PCDH11Y: variants seen among roughly 807,000 people sequenced by gnomAD.
PCDH11Y encodes the protein protocadherin-11 Y-linked.
For synonymous variants in PCDH11Y, 9 were observed against 83.6 expected (o/e 0.11, Z 4.87); for missense variants, 12 against 224.8 (o/e 0.05, Z 6.05).
At chrY:5,684,579 G>C in intron 4 of PCDH11Y, among the ~76,000 whole-genome samples, 1 of 32,737 alleles carries the variant, frequency 3.1e-5, no homozygotes, top group African/African-American at 1.2e-4. Flanking sequence ...ACAACCCAAG[G>C]GTCTTTCAAC....
chrY:5,647,458 C>T, intron 4 of PCDH11Y, among the ~76,000 whole-genome samples: 6 of 33,866 alleles, frequency 1.8e-4, no homozygotes, highest in African/African-American at 6.9e-4. Flanking sequence ...GACATACGCA[C>T]ATGTGCATAT....
exon 5 of PCDH11Y, chrY:5,737,740 G>T (rs778627882): frequency 2.5e-6 from 1 of 397,489 alleles, no homozygotes; most frequent in African/African-American, 6.3e-5. Flanking sequence ...TTGCAGCAAG[G>T]TTGGGTGCAA....
At chrY:5,371,690 G>A in intron 2 of PCDH11Y, among the ~76,000 whole-genome samples, 1 of 32,698 alleles carries the variant, frequency 3.1e-5, no homozygotes, top group Non-Finnish European at 7.5e-5. Context: ...CTGAGGTCAG[G>A]AGTTCGAGAC....
At chrY:5,639,349 T>C in intron 4 of PCDH11Y, among the ~76,000 whole-genome samples, 1 of 32,620 alleles carries the variant, frequency 3.1e-5, no homozygotes, top group Non-Finnish European at 7.5e-5. Context: ...AGAATAAGCA[T>C]ACCTCGACGA....
chrY:5,019,858 T>C (rs2124619596), intron 1 of PCDH11Y, among the ~76,000 whole-genome samples: 1 of 31,910 alleles, frequency 3.1e-5, no homozygotes, highest in South Asian at 6.8e-4. Flanking sequence ...AGTGAGGTTG[T>C]AAGAACTCAT....
intron 2 of PCDH11Y, among the ~76,000 whole-genome samples, chrY:5,415,724 G>A: frequency 6.7e-5 from 2 of 29,719 alleles, no homozygotes; most frequent in Non-Finnish European, 1.6e-4. Context: ...GGCTGCAGAT[G>A]TTCCCACACC....
chrY:5,337,835 G>A, intron 2 of PCDH11Y: 6 of 393,380 alleles, frequency 1.5e-5, no homozygotes, highest in Non-Finnish European at 1.8e-5. Flanking sequence ...GTCTTCTTCT[G>A]TCACCATGTT....
At chrY:5,683,422 A>G in intron 4 of PCDH11Y, among the ~76,000 whole-genome samples, 1 of 32,927 alleles carries the variant, frequency 3.0e-5, no homozygotes, top group Admixed American at 2.8e-4. Context: ...TGCAATCCCT[A>G]TTCAACTATC....
At chrY:5,462,889 G>A in intron 2 of PCDH11Y, among the ~76,000 whole-genome samples, 1 of 32,786 alleles carries the variant, frequency 3.1e-5, no homozygotes, top group Non-Finnish European at 7.5e-5. Flanking sequence ...ACTCACCTCC[G>A]CCTCCCAAAG....
rs201537286 is a variant in PCDH11Y, at chrY:5,206,988, G to T, written c.3129+106281G>T. ...AAAAGACACCTGGCATCTCAAAGTG[G>T]CTGCCAAGTTCCCCCAAGTCTACCA... On this transcript the variant is annotated intron_variant, in intron 2 of 4. Coordinates refer to the PCDH11Y transcript ENST00000400457. Among the ~76,000 whole-genome samples, 52 of 31,601 alleles carry T rather than the reference G, an allele frequency of 1.6e-3. No individual in the cohort carries two copies. The East Asian group carries it at 0.044, about 27-fold the overall frequency. The allele number at this position is 31,601 out of a possible 37,273, so 84.8% of individuals were successfully genotyped here.
chrY:5,688,152 C>A, intron 4 of PCDH11Y, among the ~76,000 whole-genome samples: 1 of 33,624 alleles, frequency 3.0e-5, no homozygotes, highest in Admixed American at 2.8e-4. Context: ...ATTTCTCTCT[C>A]ATGTTCAAAG....
At chrY:5,512,374 A>G (rs2053366520) in intron 3 of PCDH11Y, among the ~76,000 whole-genome samples, 1 of 30,023 alleles carries the variant, frequency 3.3e-5, no homozygotes, top group Non-Finnish European at 7.9e-5. Context: ...GCTGCTCGGG[A>G]GGCTGAGGCA....
intron 1 of PCDH11Y, among the ~76,000 whole-genome samples, chrY:5,061,124 G>A: frequency 3.0e-5 from 1 of 32,974 alleles, no homozygotes; most frequent in Admixed American, 2.8e-4. Flanking sequence ...ACTTATTTAT[G>A]TGACTTTGAT....
intron 2 of PCDH11Y, among the ~76,000 whole-genome samples, chrY:5,394,160 G>C (rs35297104): frequency 3.0e-5 from 1 of 33,040 alleles, no homozygotes; most frequent in Non-Finnish European, 7.5e-5. Flanking sequence ...GATGGCATAC[G>C]AGTTTTACTA....
intron 2 of PCDH11Y, among the ~76,000 whole-genome samples, chrY:5,376,294 G>C: frequency 3.1e-5 from 1 of 31,793 alleles, no homozygotes; most frequent in Admixed American, 2.9e-4. Context: ...CTTCCGAGTA[G>C]CTGGGACTAC....
chrY:5,157,810 AC>A (rs2052870962), intron 2 of PCDH11Y, among the ~76,000 whole-genome samples: 1 of 32,860 alleles, frequency 3.0e-5, no homozygotes, highest in Non-Finnish European at 7.5e-5. Context: ...TTGGAATAGC[AC>A]CCATAATTAA....
At chrY:5,712,540 G>A in intron 4 of PCDH11Y, among the ~76,000 whole-genome samples, 1 of 33,947 alleles carries the variant, frequency 2.9e-5, no homozygotes, top group Non-Finnish European at 7.3e-5. Context: ...TGAAAGGAAA[G>A]TAGAATTTGT....
At chrY:5,382,873 T>G in intron 2 of PCDH11Y, among the ~76,000 whole-genome samples, 1 of 33,673 alleles carries the variant, frequency 3.0e-5, no homozygotes, top group East Asian at 7.8e-4. Flanking sequence ...CTCTGGACTA[T>G]AAAATATATG....
intron 2 of PCDH11Y, among the ~76,000 whole-genome samples, chrY:5,332,758 A>G (rs2053132389): frequency 3.0e-5 from 1 of 33,833 alleles, no homozygotes; most frequent in African/African-American, 1.2e-4. Flanking sequence ...AGTTGCTTCA[A>G]TAGCAATAGA....
Sources: gnomAD v4.1 joint callset for allele counts (sites outside exome capture counted in the v4.1 genomes callset) on GRCh38, gnomAD v4.1.1 for gene constraint, MANE v1.5 for transcripts, NCBI Gene and HGNC (gene_info 2026-07-23, HGNC 2026-07-21) for gene names.